The following FRMD5 variants were observed in gnomAD, a reference collection of about 807,000 sequenced individuals.
The protein encoded by FRMD5 is FERM domain containing 5.
FRMD5 carries 20 observed loss-of-function variants against 69.0 expected under a neutral mutation model. That is an observed-to-expected ratio of 0.29 (90% CI 0.20 to 0.42). The LOEUF (loss-of-function observed/expected upper bound fraction) is 0.42. Ranked by LOEUF, FRMD5 falls within the 10% of genes least tolerant of loss-of-function variation. The pLI, the probability that FRMD5 is intolerant of heterozygous loss-of-function variation, is 1.00. For synonymous variants in FRMD5, 271 were observed against 260.1 expected (o/e 1.04, Z -0.40); for missense variants, 595 against 708.6 (o/e 0.84, Z 1.82).
At chr15:43,893,875 A>C (rs985974028) in intron 7 of FRMD5, among the ~76,000 whole-genome samples, 2 of 152,226 alleles carry the variant, frequency 1.3e-5, no homozygotes, top group African/African-American at 2.4e-5. Context: ...CCTTAAAACT[A>C]TCTCTCAGAG....
chr15:43,941,037 T>A (rs1385670967), intron 1 of FRMD5, among the ~76,000 whole-genome samples: 1 of 152,180 alleles, frequency 6.6e-6, no homozygotes, highest in Non-Finnish European at 1.5e-5. Flanking sequence ...ATTATCTTCT[T>A]GTAGGTACCA....
intron 4 of FRMD5, among the ~76,000 whole-genome samples, chr15:43,916,855 T>G (rs571116723): frequency 6.6e-6 from 1 of 151,824 alleles, no homozygotes. Flanking sequence ...CTTGGCTCAC[T>G]GCAACCTCTG....
intron 1 of FRMD5, among the ~76,000 whole-genome samples, chr15:43,937,095 T>C (rs1003595108): frequency 5.3e-5 from 8 of 152,240 alleles, no homozygotes; most frequent in Non-Finnish European, 8.8e-5. Context: ...TTTTTAACTT[T>C]TGGAAATTAT....
upstream of FRMD5, among the ~76,000 whole-genome samples, chr15:44,196,356 C>G (rs2078296594): frequency 6.6e-6 from 1 of 151,678 alleles, no homozygotes; most frequent in Non-Finnish European, 1.5e-5. Flanking sequence ...CCCAGCTACT[C>G]GGGAGGCTGA....
chr15:44,060,979 T>C (rs573456048), intron 1 of FRMD5, among the ~76,000 whole-genome samples: 10 of 152,348 alleles, frequency 6.6e-5, no homozygotes, highest in African/African-American at 9.6e-5. Flanking sequence ...ATGTCTAGTA[T>C]ACAACATAAA....
At chr15:44,016,682 C>A (rs902906552) in intron 1 of FRMD5, among the ~76,000 whole-genome samples, 1 of 151,848 alleles carries the variant, frequency 6.6e-6, no homozygotes, top group East Asian at 1.9e-4. Flanking sequence ...GAGATTACAC[C>A]ACTGCACTCC....
chr15:43,951,985 TGTGTGTGTGTGTGTCTGTGTGTGTGTG>T (rs2090040458), intron 1 of FRMD5, among the ~76,000 whole-genome samples: 1 of 114,866 alleles, frequency 8.7e-6, no homozygotes, highest in African/African-American at 4.8e-5. Flanking sequence ...GTGTGTTGTG[TGTGTGTGTGTGTGTCTGTGTGTGTGTG>T]TGTGTGTGTG....
At chr15:44,198,162 A>AATG (rs2078323157), upstream of FRMD5, among the ~76,000 whole-genome samples, 1 of 151,760 alleles carries the variant, frequency 6.6e-6, no homozygotes. Context: ...TAATAATAAT[A>AATG]ATAATACAAA....
intron 7 of FRMD5, among the ~76,000 whole-genome samples, chr15:43,894,953 T>A (rs1039366400): frequency 6.6e-6 from 1 of 152,124 alleles, no homozygotes; most frequent in Admixed American, 6.5e-5. Context: ...GTGGCCATGT[T>A]TTTTGTTTGT....
chr15:44,131,903 T>C (rs1389773005), intron 1 of FRMD5, among the ~76,000 whole-genome samples: 1 of 152,206 alleles, frequency 6.6e-6, no homozygotes, highest in Non-Finnish European at 1.5e-5. Context: ...GGTTTTGGGA[T>C]GATTCAAGTG....
At chr15:43,882,202 T>C (rs1302576277) in intron 13 of FRMD5, among the ~76,000 whole-genome samples, 1 of 152,190 alleles carries the variant, frequency 6.6e-6, no homozygotes, top group African/African-American at 2.4e-5. Flanking sequence ...AATAGATTGT[T>C]GGCCTCAGCT....
chr15:44,027,881 T>A (rs1891507321), intron 1 of FRMD5, among the ~76,000 whole-genome samples: 1 of 152,072 alleles, frequency 6.6e-6, no homozygotes, highest in South Asian at 2.1e-4. Flanking sequence ...CCTGACCTCA[T>A]GATCTGCCCT....
intron 1 of FRMD5, among the ~76,000 whole-genome samples, chr15:44,100,126 T>C (rs1322634129): frequency 6.7e-6 from 1 of 149,252 alleles, no homozygotes; most frequent in East Asian, 2.0e-4. Context: ...TGATCTCGAC[T>C]CACTGCAGCT....
chr15:43,905,721 C>G, intron 6 of FRMD5, 107 bp downstream of exon 6: 1 of 1,411,358 alleles, frequency 7.1e-7, no homozygotes, highest in Non-Finnish European at 9.9e-7. Context: ...GGGAGCATCA[C>G]TCTGTGTCAG....
chr15:44,099,062 G>C (rs1038772450), intron 1 of FRMD5, among the ~76,000 whole-genome samples: 1 of 152,044 alleles, frequency 6.6e-6, no homozygotes, highest in Admixed American at 6.6e-5. Context: ...GTTCAGGCTG[G>C]GTGTTACATG....
At chr15:44,087,737 TATCATCATCATC>T (rs61525802) in intron 1 of FRMD5, among the ~76,000 whole-genome samples, 2,124 of 148,282 alleles carry the variant, frequency 0.014, 23 homozygotes, top group African/African-American at 0.034. Flanking sequence ...TATCAGCTGC[TATCATCATCATC>T]ATCATCATCA....
chr15:44,110,394 C>T (rs1367842757), intron 1 of FRMD5, among the ~76,000 whole-genome samples: 2 of 152,200 alleles, frequency 1.3e-5, no homozygotes, highest in African/African-American at 2.4e-5. Context: ...GTTTTCAGTT[C>T]ATTTGGGTAA....
At chr15:43,891,283 CAG>C (rs755107379) in intron 8 of FRMD5, among the ~76,000 whole-genome samples, 1 of 152,134 alleles carries the variant, frequency 6.6e-6, no homozygotes, top group Non-Finnish European at 1.5e-5. Flanking sequence ...CCAAATAAAA[CAG>C]AGAGGGGCAG....
At chr15:43,952,279 G>C (rs759508299) in intron 1 of FRMD5, among the ~76,000 whole-genome samples, 2 of 152,076 alleles carry the variant, frequency 1.3e-5, no homozygotes, top group African/African-American at 2.4e-5. Flanking sequence ...AGCAACACCA[G>C]TATTTATGCT....
Sources: gnomAD v4.1 joint callset for allele counts (sites outside exome capture counted in the v4.1 genomes callset) on GRCh38, gnomAD v4.1.1 for gene constraint, MANE v1.5 for transcripts, NCBI Gene and HGNC (gene_info 2026-07-23, HGNC 2026-07-21) for gene names.